The following CCDC7 variants were observed in gnomAD, a reference collection of about 807,000 sequenced individuals.
CCDC7 encodes the protein coiled-coil domain containing 7.
A neutral mutation model predicts 196.9 loss-of-function variants in CCDC7; 183 were observed. That is an observed-to-expected ratio of 0.93 (90% CI 0.82 to 1.05). The LOEUF is 1.05. CCDC7 is among the 50% of genes least tolerant of loss of function. The probability of loss-of-function intolerance (pLI) is 0.00; values close to 1 mark genes in which losing one functional copy is unlikely to be tolerated. For synonymous variants in CCDC7, 525 were observed against 484.6 expected (o/e 1.08, Z -1.10); for missense variants, 1,540 against 1,482.2 (o/e 1.04, Z -0.64).
chr10:32,513,927 C>G (rs912085381), intron 9 of CCDC7: 3 of 152,080 alleles, frequency 2.0e-5, no homozygotes, highest in African/African-American at 7.2e-5. Context: ...TCCCTATGAT[C>G]AGGAACAAGA....
At chr10:32,818,010 G>T (rs1014241383) in intron 31 of CCDC7, among the ~76,000 whole-genome samples, 2 of 152,116 alleles carry the variant, frequency 1.3e-5, no homozygotes, top group African/African-American at 4.8e-5. Context: ...ATGTAAATAG[G>T]CTAAATGCTC....
intron 18 of CCDC7, among the ~76,000 whole-genome samples, chr10:32,619,632 G>T (rs539300602): frequency 1.3e-5 from 2 of 152,176 alleles, no homozygotes; most frequent in Admixed American, 1.3e-4. Context: ...TGGTATTGAT[G>T]CAAAAATAGA....
At chr10:32,691,773 G>A (rs763849533) in intron 23 of CCDC7, among the ~76,000 whole-genome samples, 8 of 152,238 alleles carry the variant, frequency 5.3e-5, no homozygotes, top group Middle Eastern at 6.8e-3. Context: ...TAGAGACAGC[G>A]GAGTGCCTCA....
chr10:32,699,151 C>G (rs1004863315), intron 24 of CCDC7, among the ~76,000 whole-genome samples: 19 of 151,206 alleles, frequency 1.3e-4, no homozygotes, highest in African/African-American at 4.6e-4. Flanking sequence ...TGTTCTGCAC[C>G]CATTAACTCA....
intron 28 of CCDC7, among the ~76,000 whole-genome samples, chr10:32,774,269 C>G (rs78617716): frequency 6.6e-6 from 1 of 151,726 alleles, no homozygotes; most frequent in Non-Finnish European, 1.5e-5. Context: ...ACATGCCAGT[C>G]GATGCAATTA....
At chr10:32,775,952 TA>T (rs2079955527) in intron 28 of CCDC7, among the ~76,000 whole-genome samples, 1 of 149,236 alleles carries the variant, frequency 6.7e-6, no homozygotes, top group South Asian at 2.2e-4. Flanking sequence ...TATGCAGCCA[TA>T]AAAAATGATG....
intron 23 of CCDC7, among the ~76,000 whole-genome samples, chr10:32,692,996 T>G (rs1303182272): frequency 6.6e-6 from 1 of 152,200 alleles, no homozygotes; most frequent in African/African-American, 2.4e-5. Flanking sequence ...CCTCTCAAAT[T>G]GAGTTCAGAT....
In CCDC7 at chr10:32,824,505, T is replaced by C. The variant is rs1313753121; in HGVS notation, c.3182-13T>C. On this transcript the variant is annotated splice_polypyrimidine_tract_variant and intron_variant, in intron 31 of 41. Transcript: ENST00000639629. ...TTAAAAAAGTGTTTTGAAATCTGTT[T>C]ACTTTTTTATAGAGACTGATGAACG... 1 of 1,573,120 alleles carries C rather than the reference T, an allele frequency of 6.4e-7. No homozygotes were observed. The highest frequency in any genetic ancestry group is 8.7e-7 in the Non-Finnish European group (1 of 1,150,872).
At chr10:32,824,561 A>T in exon 32 of CCDC7, 4 of 1,612,398 alleles carry the variant, frequency 2.5e-6, no homozygotes, top group Non-Finnish European at 3.4e-6. Context: ...GAGGTACAAT[A>T]AATGATGCAA....
chr10:32,619,544 G>A (rs148662299), intron 18 of CCDC7, among the ~76,000 whole-genome samples: 159 of 152,256 alleles, frequency 1.0e-3, no homozygotes, highest in Non-Finnish European at 1.4e-3. Context: ...AGGCATATAT[G>A]TTAAAGGCAA....
intron 18 of CCDC7, chr10:32,623,826 G>T: frequency 2.1e-6 from 1 of 468,840 alleles, no homozygotes. Flanking sequence ...CGGTGAGTGT[G>T]GGAATGAGAG....
intron 16 of CCDC7, among the ~76,000 whole-genome samples, chr10:32,573,382 G>T (rs1178019618): frequency 1.3e-5 from 2 of 152,132 alleles, no homozygotes; most frequent in Admixed American, 6.5e-5. Flanking sequence ...TAGGCTCTTT[G>T]TACATTGGTA....
intron 28 of CCDC7, among the ~76,000 whole-genome samples, chr10:32,752,063 A>G (rs1360620325): frequency 6.6e-6 from 1 of 152,156 alleles, no homozygotes; most frequent in Non-Finnish European, 1.5e-5. Flanking sequence ...ACTTTGGCCT[A>G]CGCTTTTGAC....
chr10:32,851,909 CT>C lies in CCDC7; in HGVS notation c.4001del (p.Leu1334TyrfsTer2), dbSNP rs2093578948. ...AGCTTTTCTAAAGACATCCACCTTCCTTTACTGAATCAACTCCCTTCAGGTA... is the reference window on the plus strand; with the variant it reads ...AGCTTTTCTAAAGACATCCACCTTCCTTACTGAATCAACTCCCTTCAGGTA... On this transcript the variant is annotated frameshift_variant, in exon 40 of 42. Transcript: ENST00000639629. LOFTEE classifies it high-confidence loss of function. The C allele has an allele frequency of 6.2e-7, 1 of 1,603,012 alleles. No homozygotes were observed. The highest frequency in any genetic ancestry group is 1.3e-5 in the African/African-American group (1 of 74,374).
intron 20 of CCDC7, among the ~76,000 whole-genome samples, chr10:32,643,082 G>C (rs2139937080): frequency 6.6e-6 from 1 of 152,040 alleles, no homozygotes; most frequent in South Asian, 2.1e-4. Flanking sequence ...TTAATTTTTT[G>C]TTAGTTCTGA....
chr10:32,628,439 A>G (rs929167219), intron 18 of CCDC7, among the ~76,000 whole-genome samples: 3 of 151,824 alleles, frequency 2.0e-5, no homozygotes, highest in Non-Finnish European at 4.4e-5. Context: ...AAACTTTACC[A>G]TTTCAAAGAA....
exon 18 of CCDC7, chr10:32,584,278 C>G (rs1418614038): frequency 6.3e-7 from 1 of 1,598,028 alleles, no homozygotes; most frequent in Non-Finnish European, 8.5e-7. Context: ...GAAGAACAAA[C>G]TTACCAAGCA....
intron 18 of CCDC7, among the ~76,000 whole-genome samples, chr10:32,609,584 G>A (rs1589325): frequency 0.92 from 140,494 of 152,186 alleles, 65,856 homozygotes; most frequent in East Asian, 1. Flanking sequence ...CAAGGTTACT[G>A]TTGATACACA....
intron 5 of CCDC7, among the ~76,000 whole-genome samples, chr10:32,470,430 AC>A (rs1400437310): frequency 6.6e-6 from 1 of 152,076 alleles, no homozygotes; most frequent in African/African-American, 2.4e-5. Context: ...TGGTTTTTGG[AC>A]ACTCATTCTT....
Sources: allele counts gnomAD v4.1 joint callset (sites outside exome capture counted in the v4.1 genomes callset), GRCh38; gene constraint gnomAD v4.1.1; transcripts MANE v1.5; gene names NCBI Gene and HGNC (gene_info 2026-07-23, HGNC 2026-07-21).